Variants in SLC4A10 observed in about 807,000 individuals in gnomAD.
SLC4A10 encodes solute carrier family 4 member 10, also known as sodium-driven chloride bicarbonate exchanger.
A neutral mutation model predicts 137.7 loss-of-function variants in SLC4A10; 42 were observed. That is an observed-to-expected ratio of 0.30 (90% CI 0.24 to 0.39). The LOEUF is 0.39. SLC4A10 is among the 10% of genes least tolerant of loss of function. SLC4A10 has a pLI of 1.00. For synonymous variants in SLC4A10, 474 were observed against 464.1 expected (o/e 1.02, Z -0.27); for missense variants, 925 against 1,355.0 (o/e 0.68, Z 4.98).
chr2:161,892,010 A>G (rs756438315), intron 10 of SLC4A10, among the ~76,000 whole-genome samples: 10 of 152,108 alleles, frequency 6.6e-5, no homozygotes, highest in Non-Finnish European at 1.2e-4. Context: ...TTAGCTTGAC[A>G]AAGAGAAGGT....
chr2:161,760,340 AT>A (rs1222431579), intron 1 of SLC4A10, among the ~76,000 whole-genome samples: 1 of 151,816 alleles, frequency 6.6e-6, no homozygotes, highest in Non-Finnish European at 1.5e-5. Flanking sequence ...TGTTTTGCCC[AT>A]CCATGGAATT....
chr2:161,954,753 A>G (rs182365140), intron 19 of SLC4A10, among the ~76,000 whole-genome samples: 81 of 152,338 alleles, frequency 5.3e-4, no homozygotes, highest in Middle Eastern at 6.8e-3. Context: ...ATATTTATAT[A>G]TTACAAAACT....
chr2:161,667,752 C>T (rs926705623), intron 1 of SLC4A10, among the ~76,000 whole-genome samples: 2 of 151,574 alleles, frequency 1.3e-5, no homozygotes, highest in African/African-American at 4.8e-5. Context: ...TTTTGCTCTT[C>T]TTTTGGACTT....
intron 3 of SLC4A10, among the ~76,000 whole-genome samples, chr2:161,822,846 G>A (rs536140723): frequency 1.6e-4 from 24 of 152,096 alleles, no homozygotes; most frequent in African/African-American, 3.6e-4. Flanking sequence ...ATGGTGATGC[G>A]CACCTGTAGT....
At chr2:161,691,990 T>G (rs1260910851) in intron 1 of SLC4A10, among the ~76,000 whole-genome samples, 1 of 152,182 alleles carries the variant, frequency 6.6e-6, no homozygotes, top group Non-Finnish European at 1.5e-5. Context: ...GTAGGCTACA[T>G]GTCAAATGAA....
chr2:161,811,149 G>A (rs978160764), intron 3 of SLC4A10, among the ~76,000 whole-genome samples: 9 of 151,972 alleles, frequency 5.9e-5, no homozygotes, highest in Admixed American at 4.6e-4. Context: ...TTTCTAATTT[G>A]TTTGCACAGA....
chr2:161,961,804 T>A (rs936353916), intron 21 of SLC4A10, among the ~76,000 whole-genome samples: 1 of 152,076 alleles, frequency 6.6e-6, no homozygotes, highest in African/African-American at 2.4e-5. Context: ...TAAATGAAAA[T>A]TGAAGAAAAC....
At chr2:161,769,750 A>C (rs1189872957) in intron 1 of SLC4A10, among the ~76,000 whole-genome samples, 2 of 151,752 alleles carry the variant, frequency 1.3e-5, no homozygotes, top group South Asian at 2.1e-4. Flanking sequence ...AGAATTCTCC[A>C]AGATTGAGAT....
chr2:161,969,309 C>T (rs1304777439), intron 23 of SLC4A10, among the ~76,000 whole-genome samples: 1 of 152,126 alleles, frequency 6.6e-6, no homozygotes, highest in Non-Finnish European at 1.5e-5. Context: ...GCTTCTGTTC[C>T]AAATTTTCAT....
chr2:161,803,788 C>A (rs2055624487), intron 2 of SLC4A10, among the ~76,000 whole-genome samples: 1 of 152,020 alleles, frequency 6.6e-6, no homozygotes, highest in Non-Finnish European at 1.5e-5. Flanking sequence ...AGTACTGAAC[C>A]CTATATATAC....
intron 1 of SLC4A10, among the ~76,000 whole-genome samples, chr2:161,657,339 TA>T (rs2037686811): frequency 6.6e-6 from 1 of 152,004 alleles, no homozygotes; most frequent in Admixed American, 6.5e-5. Flanking sequence ...CACATAAAAA[TA>T]GATCAAAAAA....
At chr2:161,670,239 T>A (rs181564309) in intron 1 of SLC4A10, among the ~76,000 whole-genome samples, 1 of 152,034 alleles carries the variant, frequency 6.6e-6, no homozygotes, top group East Asian at 1.9e-4. Context: ...AAAGCTCTCT[T>A]GCTCTCCCTT....
chr2:161,850,741 C>A (rs2059781801), intron 4 of SLC4A10, among the ~76,000 whole-genome samples: 1 of 151,922 alleles, frequency 6.6e-6, no homozygotes, highest in Non-Finnish European at 1.5e-5. Flanking sequence ...TATTTCTTTT[C>A]TTCTGTTATA....
intron 1 of SLC4A10, among the ~76,000 whole-genome samples, chr2:161,625,074 T>TGTGTGA (rs2032025297): frequency 9.4e-5 from 1 of 10,672 alleles, no homozygotes; most frequent in South Asian, 4.2e-3. Context: ...ATCGTGTGTG[T>TGTGTGA]GTGTGTGTGT....
intron 15 of SLC4A10, among the ~76,000 whole-genome samples, chr2:161,931,903 ATATACACTT>A: frequency 6.6e-6 from 1 of 152,330 alleles, no homozygotes; most frequent in Admixed American, 6.5e-5. Flanking sequence ...AAGTATACCT[ATATACACTT>A]TATGTACACA....
At chr2:161,915,101 T>C (rs1276392862) in intron 15 of SLC4A10, among the ~76,000 whole-genome samples, 1 of 151,964 alleles carries the variant, frequency 6.6e-6, no homozygotes, top group Non-Finnish European at 1.5e-5. Context: ...GACCCCAGAC[T>C]CAGCCAGTAG....
intron 1 of SLC4A10, chr2:161,708,925 T>C: frequency 7.5e-7 from 1 of 1,339,272 alleles, no homozygotes; most frequent in Non-Finnish European, 9.9e-7. Context: ...AATGTAATTG[T>C]TTATTGTCAG....
intron 1 of SLC4A10, among the ~76,000 whole-genome samples, chr2:161,694,812 C>T (rs1452699316): frequency 1.3e-5 from 2 of 151,910 alleles, no homozygotes; most frequent in Admixed American, 6.6e-5. Context: ...TTAACACATC[C>T]CCTTCAGTCA....
intron 2 of SLC4A10, among the ~76,000 whole-genome samples, chr2:161,785,683 T>C (rs2053543615): frequency 6.6e-6 from 1 of 151,786 alleles, no homozygotes; most frequent in South Asian, 2.1e-4. Context: ...GTAGAAGGGA[T>C]GTAGCTCAAC....
Sources: allele counts gnomAD v4.1 joint callset (sites outside exome capture counted in the v4.1 genomes callset), GRCh38; gene constraint gnomAD v4.1.1; transcripts MANE v1.5; gene names NCBI Gene and HGNC (gene_info 2026-07-23, HGNC 2026-07-21).